Variants in HSF2BP observed in about 807,000 individuals in gnomAD.
HSF2BP encodes the protein heat shock transcription factor 2 binding protein.
Under a neutral mutation model 35.0 loss-of-function variants are expected in HSF2BP, and 35 were observed. The observed-to-expected ratio is 1.00, with a 90% confidence interval of 0.76 to 1.32. HSF2BP has a LOEUF of 1.32. Ranked by LOEUF, HSF2BP falls within the 40% of genes most tolerant of loss-of-function variation. HSF2BP has a pLI of 0.00. For missense variants in HSF2BP, 326 were observed against 321.7 expected (o/e 1.01, Z -0.10); for synonymous variants, 114 against 117.4 (o/e 0.97, Z 0.18).
At chr21:43,581,867 CCCTGCT>C (rs2081740556) in intron 8 of HSF2BP, among the ~76,000 whole-genome samples, 1 of 33,738 alleles carries the variant, frequency 3.0e-5, no homozygotes. Context: ...TGCTGAGGGG[CCCTGCT>C]GTGGGGGATG....
the HSF2BP span, among the ~76,000 whole-genome samples, chr21:43,506,103 G>A: frequency 7.5e-6 from 1 of 133,456 alleles, no homozygotes; most frequent in Non-Finnish European, 1.7e-5. Flanking sequence ...CTCCTGCCGA[G>A]TGTGCCGGCT....
intron 7 of HSF2BP, among the ~76,000 whole-genome samples, chr21:43,609,458 T>C (rs569543315): frequency 6.6e-6 from 1 of 151,684 alleles, no homozygotes; most frequent in South Asian, 2.1e-4. Context: ...TTTTAAAAAA[T>C]GGGCAACTAG....
intron 8 of HSF2BP, among the ~76,000 whole-genome samples, chr21:43,584,379 C>A (rs1211112807): frequency 4.6e-5 from 7 of 152,192 alleles, no homozygotes. Flanking sequence ...AAAAGGCCCA[C>A]ATCCCAGCTC....
At chr21:43,656,830 G>T in intron 2 of HSF2BP, 93 bp from the exon 3 acceptor site, 1 of 992,128 alleles carries the variant, frequency 1.0e-6, no homozygotes. Context: ...CACCTCTTAT[G>T]TGCATCGTTG....
intron 3 of HSF2BP, among the ~76,000 whole-genome samples, chr21:43,649,289 C>T (rs1190277915): frequency 3.3e-5 from 5 of 151,650 alleles, no homozygotes; most frequent in Admixed American, 6.6e-5. Flanking sequence ...AAAAATGAGC[C>T]GGGCATGATG....
At chr21:43,654,448 G>T (rs1441774548) in intron 3 of HSF2BP, among the ~76,000 whole-genome samples, 1 of 152,114 alleles carries the variant, frequency 6.6e-6, no homozygotes, top group Non-Finnish European at 1.5e-5. Flanking sequence ...GGTCCCTTTA[G>T]ACACAGTTCT....
intron 3 of HSF2BP, among the ~76,000 whole-genome samples, chr21:43,651,871 T>C (rs1465985489): frequency 6.6e-6 from 1 of 152,220 alleles, no homozygotes; most frequent in African/African-American, 2.4e-5. Context: ...GTCAGTATTA[T>C]TGCAAACTGC....
chr21:43,467,910 A>T, the HSF2BP span, among the ~76,000 whole-genome samples: 1 of 105,880 alleles, frequency 9.4e-6, no homozygotes, highest in African/African-American at 4.2e-5. Flanking sequence ...CACACGCACC[A>T]CACACCACAC....
At chr21:43,633,523 G>T (rs561638768) in intron 4 of HSF2BP, 102 bp from the exon 5 acceptor site, 4 of 1,019,868 alleles carry the variant, frequency 3.9e-6, no homozygotes, top group Non-Finnish European at 4.1e-6. Flanking sequence ...AGAAATGCAT[G>T]TATAATTATA....
chr21:43,631,676 C>T (rs1024499192), intron 5 of HSF2BP, among the ~76,000 whole-genome samples: 1 of 152,122 alleles, frequency 6.6e-6, no homozygotes, highest in Admixed American at 6.5e-5. Context: ...AAAGTCACAT[C>T]CCAACCTACG....
In HSF2BP at chr21:43,624,014, T is replaced by C. The variant is rs151334338; in HGVS notation, c.574+6308A>G. 8.9e-4 allele frequency among the ~76,000 whole-genome samples: 135 copies of C among 152,282 alleles called. 2 individuals carry two copies. The highest frequency in any genetic ancestry group is 3.1e-3 in the African/African-American group (130 of 41,550). ...ACACCTAGAAAAAGATGGGCTGTTC[T>C]GAAGACATGGGGAAAGGGAGCCACC... On this transcript the variant is annotated intron_variant, in intron 6 of 8. Coordinates refer to ENST00000291560, the MANE Select transcript of HSF2BP (RefSeq NM_007031.2).
At chr21:43,572,425 C>T (rs916250772) in intron 8 of HSF2BP, among the ~76,000 whole-genome samples, 1 of 152,212 alleles carries the variant, frequency 6.6e-6, no homozygotes, top group Non-Finnish European at 1.5e-5. Context: ...GGACAGGACC[C>T]TGGGGCAAGA....
At chr21:43,573,499 A>T (rs1005376026) in intron 8 of HSF2BP, among the ~76,000 whole-genome samples, 1 of 152,246 alleles carries the variant, frequency 6.6e-6, no homozygotes, top group Non-Finnish European at 1.5e-5. Context: ...GTCCTGAATT[A>T]CCCAAAACTC....
At chr21:43,458,088 G>C in the HSF2BP span, among the ~76,000 whole-genome samples, 1 of 99,376 alleles carries the variant, frequency 1.0e-5, no homozygotes, top group Non-Finnish European at 2.1e-5. Flanking sequence ...CCTCCACCCT[G>C]CCAAGTGTGG....
intron 8 of HSF2BP, among the ~76,000 whole-genome samples, chr21:43,574,849 G>A (rs550665424): frequency 2.0e-4 from 30 of 152,234 alleles, no homozygotes; most frequent in Middle Eastern, 3.4e-3. Context: ...CGGGGGTGCC[G>A]TCAACCCAGC....
chr21:43,451,203 AG>A, the HSF2BP span: 2 of 2,224 alleles, frequency 9.0e-4, no homozygotes, highest in Non-Finnish European at 1.6e-3. Flanking sequence ...GAGGACTGAG[AG>A]ACCGCTGGCT....
At chr21:43,642,203 A>G (rs57263815) in intron 4 of HSF2BP, among the ~76,000 whole-genome samples, 22 of 152,232 alleles carry the variant, frequency 1.4e-4, no homozygotes, top group African/African-American at 5.1e-4. Flanking sequence ...AAAATTAATT[A>G]ATTAATTAAA....
chr21:43,616,608 A>C (rs2082273789), intron 6 of HSF2BP, among the ~76,000 whole-genome samples: 1 of 151,892 alleles, frequency 6.6e-6, no homozygotes, highest in Non-Finnish European at 1.5e-5. Flanking sequence ...GCACTACTGC[A>C]CTCCAGCCTA....
At chr21:43,584,030 A>G (rs1309056) in intron 8 of HSF2BP, among the ~76,000 whole-genome samples, 14 of 94,042 alleles carry the variant, frequency 1.5e-4, no homozygotes, top group Non-Finnish European at 1.9e-4. Flanking sequence ...AAGACCTGCT[A>G]AGGGAGATGA....
Sources: allele counts gnomAD v4.1 joint callset (sites outside exome capture counted in the v4.1 genomes callset), GRCh38; gene constraint gnomAD v4.1.1; transcripts MANE v1.5; gene names NCBI Gene and HGNC (gene_info 2026-07-23, HGNC 2026-07-21).